The following ADAMTS2 variants were observed in gnomAD, a reference collection of about 807,000 sequenced individuals.
The protein encoded by ADAMTS2 is A disintegrin and metalloproteinase with thrombospondin motifs 2.
In ADAMTS2, 50 loss-of-function variants were observed where a neutral mutation model predicts 123.0. The observed-to-expected ratio is 0.41, with a 90% confidence interval of 0.32 to 0.51. The LOEUF (loss-of-function observed/expected upper bound fraction) is 0.51. Ranked by LOEUF, ADAMTS2 falls within the 20% of genes least tolerant of loss-of-function variation. The pLI, the probability that ADAMTS2 is intolerant of heterozygous loss-of-function variation, is 0.35. For missense variants in ADAMTS2, 1,494 were observed against 1,705.2 expected, an observed-to-expected ratio of 0.88 and a Z score of 2.18; for synonymous variants, 678 against 695.4, an observed-to-expected ratio of 0.98 and a Z score of 0.39.
chr5:179,205,621 C>G (rs554754017), intron 4 of ADAMTS2, among the ~76,000 whole-genome samples: 1 of 152,160 alleles, frequency 6.6e-6, no homozygotes, highest in Admixed American at 6.5e-5. Flanking sequence ...GTGAAGGCAG[C>G]CAAGATTTTA....
chr5:179,196,071 C>A (rs1283436226), intron 4 of ADAMTS2, among the ~76,000 whole-genome samples: 1 of 152,220 alleles, frequency 6.6e-6, no homozygotes, highest in Non-Finnish European at 1.5e-5. Context: ...CCACTGCCTT[C>A]CCCACCGCCA....
intron 2 of ADAMTS2, among the ~76,000 whole-genome samples, chr5:179,294,760 G>T (rs1756284765): frequency 6.6e-6 from 1 of 152,246 alleles, no homozygotes; most frequent in East Asian, 1.9e-4. Flanking sequence ...GGAGGGGCTT[G>T]CTTTCTAGGG....
At chr5:179,340,135 A>T (rs577659827) in intron 2 of ADAMTS2, among the ~76,000 whole-genome samples, 1 of 152,350 alleles carries the variant, frequency 6.6e-6, no homozygotes, top group South Asian at 2.1e-4. Flanking sequence ...CGCATCAAGC[A>T]TCCAGGGAAG....
At chr5:179,291,096 G>T (rs1324839522) in intron 2 of ADAMTS2, among the ~76,000 whole-genome samples, 2 of 152,228 alleles carry the variant, frequency 1.3e-5, no homozygotes, top group East Asian at 3.9e-4. Context: ...GCCAGGAGGG[G>T]ACTTCCTTCA....
At chr5:179,320,622 C>A (rs1407067944) in intron 2 of ADAMTS2, among the ~76,000 whole-genome samples, 1 of 152,232 alleles carries the variant, frequency 6.6e-6, no homozygotes, top group South Asian at 2.1e-4. Context: ...CTGGCCCACC[C>A]TTCTCCTTCT....
intron 2 of ADAMTS2, among the ~76,000 whole-genome samples, chr5:179,286,867 A>G (rs1756034626): frequency 6.6e-6 from 1 of 152,122 alleles, no homozygotes; most frequent in Non-Finnish European, 1.5e-5. Flanking sequence ...CTGTCCTCAC[A>G]TGGCCGTCCC....
Position 179,114,328 on chromosome 5 carries a change from A to G in ADAMTS2, c.3179-4T>C. On this transcript the variant is annotated splice_region_variant and splice_polypyrimidine_tract_variant and intron_variant, in intron 21 of 21. Transcript: ENST00000251582. Reference sequence around the variant, plus strand: ...TTGTCGCCTTGGCAGTGGCCCTCTGAAAAAGAAAAGTGGGACAAATAACCA... The same window carrying G: ...TTGTCGCCTTGGCAGTGGCCCTCTGGAAAAGAAAAGTGGGACAAATAACCA... 6.2e-7 allele frequency: 1 copy of G among 1,612,556 alleles called. No homozygotes were observed. The highest frequency in any genetic ancestry group is 8.5e-7 in the Non-Finnish European group (1 of 1,179,516).
chr5:179,166,246 C>A (rs887043116), intron 5 of ADAMTS2, among the ~76,000 whole-genome samples: 3 of 152,186 alleles, frequency 2.0e-5, no homozygotes, highest in Non-Finnish European at 4.4e-5. Context: ...CACAGCAGCA[C>A]CGGGAGCCTG....
rs1336175305 is a variant in ADAMTS2 at position 179,153,625 on chromosome 5, T to C, written c.1383-2A>G. 1 of 1,602,038 alleles carries C rather than the reference T, an allele frequency of 6.2e-7. No individual in the cohort carries two copies. Among genetic ancestry groups the C allele is most frequent in the Non-Finnish European group, 8.5e-7 (1 of 1,179,398 alleles). On this transcript the variant is annotated splice_acceptor_variant, in intron 8 of 21. Transcript: ENST00000251582. LOFTEE classifies it high-confidence loss of function. ...TCATCCAGCAGGCAGTCATAGGAGC[T>C]GTGGGGGACACACGGTGCCGCGAGC...
chr5:179,308,462 C>T lies in ADAMTS2; in HGVS notation c.534+35305G>A, dbSNP rs1323486847. Among the ~76,000 whole-genome samples, 1 of 152,194 alleles carries T rather than the reference C, an allele frequency of 6.6e-6. No homozygotes were observed. ...TGAGGACAGGAACGGGCAGCCGCCA[C>T]TGTTCACGAGCAAGGGTGCAGGGGC... On this transcript the variant is annotated intron_variant, in intron 2 of 21. Coordinates refer to ENST00000251582, the MANE Select transcript of ADAMTS2 (RefSeq NM_014244.5). This position sits in a 1 kb window ranked among gnomAD's most constrained non-coding sequence, Gnocchi z 6.6.
At chr5:179,324,836 G>A (rs935223567) in intron 2 of ADAMTS2, among the ~76,000 whole-genome samples, 1 of 152,242 alleles carries the variant, frequency 6.6e-6, no homozygotes, top group African/African-American at 2.4e-5. Flanking sequence ...CAGGACAGAA[G>A]ACAGGAAGGT....
At position 179,332,260 on chromosome 5, in the gene ADAMTS2, C is replaced by T. The variant is rs1285811279; in HGVS notation, c.534+11507G>A. On this transcript the variant is annotated intron_variant, in intron 2 of 21. Transcript: ENST00000251582. This position sits in a 1 kb window ranked among gnomAD's most constrained non-coding sequence, Gnocchi z 4.2. ...AACGGGAAGGGCTGCAGAGCCTCCA[C>T]GCCCTCTCTGGGCACTCACCCTCCC... Among the ~76,000 whole-genome samples, 4 of 152,212 alleles carry T rather than the reference C, an allele frequency of 2.6e-5. No homozygotes were observed. The East Asian group carries it at 5.8e-4, about 22-fold the overall frequency.
intron 4 of ADAMTS2, among the ~76,000 whole-genome samples, chr5:179,190,553 T>C (rs1764281287): frequency 6.6e-6 from 1 of 152,346 alleles, no homozygotes; most frequent in African/African-American, 2.4e-5. Context: ...TTTGCTTGGT[T>C]GGCGAGTTTT....
At position 179,313,585 on chromosome 5, in the gene ADAMTS2, G is replaced by A. The variant is rs1399776018; in HGVS notation, c.534+30182C>T. Among the ~76,000 whole-genome samples the A allele has an allele frequency of 1.5e-4, 2 of 13,524 alleles. 1 individual carries two copies. The highest frequency in any genetic ancestry group is 3.2e-4 in the Non-Finnish European group (2 of 6,240). 8.9% of individuals were successfully genotyped at this position (13,524 alleles called of 152,430 possible). A position where few individuals can be genotyped will look rare whatever the true frequency, so the allele number is the denominator to read the frequency against. ...AGGAGGGCCTGGCCAGAGCAGGGGT[G>A]TCAGCAGAGGGGACGCACAAGCATT... On this transcript the variant is annotated intron_variant, in intron 2 of 21. Transcript: ENST00000251582.
chr5:179,294,918 G>A lies in ADAMTS2; in HGVS notation c.535-21854C>T, dbSNP rs140483903. The stretch of plus-strand genomic sequence containing the variant: ...CTCTGAGGCAGTCTAAAGAAGGAAG[G>A]AAGAGTCACTGTGCAGACTCCTGGC... On this transcript the variant is annotated intron_variant, in intron 2 of 21. Coordinates refer to ENST00000251582, the MANE Select transcript of ADAMTS2 (RefSeq NM_014244.5). Among the ~76,000 whole-genome samples, 690 of 152,358 alleles carry A rather than the reference G, an allele frequency of 4.5e-3. 4 individuals carry two copies. Among genetic ancestry groups the A allele is most frequent in the Non-Finnish European group, 8.0e-3 (541 of 68,038 alleles).
intron 2 of ADAMTS2, among the ~76,000 whole-genome samples, chr5:179,326,124 AC>A (rs1757310244): frequency 6.6e-6 from 1 of 152,082 alleles, no homozygotes; most frequent in East Asian, 1.9e-4. Context: ...CCCATTCCAG[AC>A]TGGAAATCTT....
At chr5:179,328,488 G>A (rs1757372878) in intron 2 of ADAMTS2, among the ~76,000 whole-genome samples, 1 of 152,236 alleles carries the variant, frequency 6.6e-6, no homozygotes, top group Admixed American at 6.5e-5. Flanking sequence ...GGCGCGCCTT[G>A]AGGACAGCAA....
chr5:179,289,696 A>C (rs1581249316), intron 2 of ADAMTS2, among the ~76,000 whole-genome samples: 1 of 152,204 alleles, frequency 6.6e-6, no homozygotes, highest in East Asian at 1.9e-4. Flanking sequence ...GTGGAATCCC[A>C]GTAGGTAACA....
intron 4 of ADAMTS2, among the ~76,000 whole-genome samples, chr5:179,190,486 A>T (rs1764279947): frequency 6.6e-6 from 1 of 152,204 alleles, no homozygotes; most frequent in Non-Finnish European, 1.5e-5. Flanking sequence ...AGGACTAAGA[A>T]TTGGGAGGAC....
Sources: gnomAD v4.1 joint callset for allele counts (sites outside exome capture counted in the v4.1 genomes callset) on GRCh38, gnomAD v4.1.1 for gene constraint, Gnocchi (gnomAD v3.1) non-coding constraint, MANE v1.5 for transcripts, NCBI Gene and HGNC (gene_info 2026-07-23, HGNC 2026-07-21) for gene names.